Variants in DSCAM observed in about 807,000 individuals in gnomAD.
DSCAM encodes the protein DS cell adhesion molecule, also known as cell adhesion molecule DSCAM.
A neutral mutation model predicts 217.7 loss-of-function variants in DSCAM; 47 were observed. That is an observed-to-expected ratio of 0.22 (90% confidence interval 0.17 to 0.28). DSCAM has a LOEUF of 0.28. Ranked by LOEUF, DSCAM falls within the 10% of genes least tolerant of loss-of-function variation. The pLI, the probability that DSCAM is intolerant of heterozygous loss-of-function variation, is 1.00. For synonymous variants in DSCAM, 1,056 were observed against 1,015.3 expected (o/e 1.04, Z -0.76); for missense variants, 2,080 against 2,618.3 (o/e 0.79, Z 4.49).
intron 8 of DSCAM, among the ~76,000 whole-genome samples, chr21:40,318,255 C>T (rs947654824): frequency 7.9e-5 from 12 of 151,048 alleles, no homozygotes; most frequent in African/African-American, 2.7e-4. Flanking sequence ...TTAATGGGTG[C>T]AGCACACCAG....
At chr21:40,630,072 C>T (rs1166868608) in intron 3 of DSCAM, among the ~76,000 whole-genome samples, 1 of 151,926 alleles carries the variant, frequency 6.6e-6, no homozygotes, top group African/African-American at 2.4e-5. Flanking sequence ...ACCATGGAGC[C>T]CAACAGGAAG....
intron 32 of DSCAM, among the ~76,000 whole-genome samples, chr21:40,036,868 A>G (rs1284213128): frequency 1.3e-4 from 19 of 150,236 alleles, no homozygotes; most frequent in Admixed American, 1.2e-3. Flanking sequence ...CAATATACAC[A>G]TATCAATAAA....
intron 3 of DSCAM, among the ~76,000 whole-genome samples, chr21:40,372,085 C>T (rs1292101801): frequency 6.6e-6 from 1 of 152,148 alleles, no homozygotes; most frequent in South Asian, 2.1e-4. Context: ...ACTCAGGAGT[C>T]CTGTGGAACT....
chr21:40,018,124 G>C (rs1191288098), intron 32 of DSCAM, among the ~76,000 whole-genome samples: 3 of 152,118 alleles, frequency 2.0e-5, no homozygotes, highest in Admixed American at 2.0e-4. Context: ...TCTCTAACCA[G>C]GGATTATTTG....
intron 3 of DSCAM, among the ~76,000 whole-genome samples, chr21:40,577,416 G>A (rs992205620): frequency 9.2e-5 from 14 of 151,522 alleles, no homozygotes; most frequent in African/African-American, 3.4e-4. Flanking sequence ...CCGGAAGACG[G>A]TCACTCTTTG....
intron 3 of DSCAM, among the ~76,000 whole-genome samples, chr21:40,601,752 A>G (rs1568931420): frequency 6.6e-6 from 1 of 152,038 alleles, no homozygotes; most frequent in African/African-American, 2.4e-5. Flanking sequence ...TCTTTTTTGC[A>G]TCTGTTGTTA....
chr21:40,566,082 G>C (rs992099244), intron 3 of DSCAM, among the ~76,000 whole-genome samples: 1 of 152,162 alleles, frequency 6.6e-6, no homozygotes, highest in Non-Finnish European at 1.5e-5. Context: ...CAGTCATTAA[G>C]ATGTCATCCT....
chr21:40,817,012 A>G (rs1212967633), intron 1 of DSCAM, among the ~76,000 whole-genome samples: 2 of 152,162 alleles, frequency 1.3e-5, no homozygotes, highest in African/African-American at 2.4e-5. Context: ...CACCTCTTCA[A>G]TAGGTAAGGA....
At chr21:40,569,432 TCAG>T (rs776020224) in intron 3 of DSCAM, among the ~76,000 whole-genome samples, 16 of 152,164 alleles carry the variant, frequency 1.1e-4, no homozygotes, top group Non-Finnish European at 2.1e-4. Flanking sequence ...CCTCATTCAA[TCAG>T]TCGAAAAGAT....
At chr21:40,085,422 A>G (rs2089519044) in intron 23 of DSCAM, among the ~76,000 whole-genome samples, 180 bp downstream of exon 23, 1 of 152,070 alleles carries the variant, frequency 6.6e-6, no homozygotes, top group African/African-American at 2.4e-5. Flanking sequence ...AATGCTTTGT[A>G]TTTTCTTTGA....
intron 11 of DSCAM, among the ~76,000 whole-genome samples, chr21:40,199,829 G>C (rs566355769): frequency 1.3e-5 from 2 of 152,122 alleles, no homozygotes; most frequent in South Asian, 2.1e-4. Context: ...TGCATGCAGG[G>C]CTTAAAACCT....
chr21:40,069,493 G>A (rs78933910), intron 27 of DSCAM, among the ~76,000 whole-genome samples: 9,741 of 152,264 alleles, frequency 0.064, 659 homozygotes, highest in African/African-American at 0.17. Flanking sequence ...AGGCTGAACT[G>A]CCTCACATTT....
intron 14 of DSCAM, among the ~76,000 whole-genome samples, chr21:40,180,925 T>C (rs944578267): frequency 6.6e-6 from 1 of 152,072 alleles, no homozygotes; most frequent in African/African-American, 2.4e-5. Context: ...TATAGGTTCC[T>C]TTAGCTCAGC....
intron 3 of DSCAM, among the ~76,000 whole-genome samples, chr21:40,456,595 C>T (rs2075765362): frequency 6.6e-6 from 1 of 151,948 alleles, no homozygotes; most frequent in Non-Finnish European, 1.5e-5. Context: ...GATATGTATG[C>T]TAACGTGTTC....
intron 20 of DSCAM, among the ~76,000 whole-genome samples, chr21:40,095,562 G>A (rs2089665644): frequency 6.6e-6 from 1 of 152,188 alleles, no homozygotes; most frequent in Admixed American, 6.5e-5. Context: ...AATTGGGAAT[G>A]ACTGCTAATG....
At chr21:40,025,846 A>G (rs1242508278) in intron 32 of DSCAM, among the ~76,000 whole-genome samples, 2 of 150,424 alleles carry the variant, frequency 1.3e-5, no homozygotes, top group African/African-American at 4.9e-5. Context: ...TAATTTTTTG[A>G]AGGGTTTTTT....
chr21:40,678,440 A>G (rs899811888), intron 3 of DSCAM, among the ~76,000 whole-genome samples: 2 of 152,154 alleles, frequency 1.3e-5, no homozygotes, highest in Non-Finnish European at 2.9e-5. Flanking sequence ...TGCTTTCTTC[A>G]TCTATAAAAT....
At chr21:40,298,225 T>C (rs1272343378) in intron 9 of DSCAM, among the ~76,000 whole-genome samples, 2 of 151,716 alleles carry the variant, frequency 1.3e-5, no homozygotes, top group Non-Finnish European at 2.9e-5. Flanking sequence ...GGATTACAGG[T>C]GCCTGCCATC....
At chr21:40,600,726 T>G (rs563626341) in intron 3 of DSCAM, among the ~76,000 whole-genome samples, 10 of 152,184 alleles carry the variant, frequency 6.6e-5, no homozygotes, top group Non-Finnish European at 1.3e-4. Context: ...TTGTAAAATA[T>G]TTGCTAAATT....
Sources: allele counts gnomAD v4.1 joint callset (sites outside exome capture counted in the v4.1 genomes callset), GRCh38; gene constraint gnomAD v4.1.1; transcripts MANE v1.5; gene names NCBI Gene and HGNC (gene_info 2026-07-23, HGNC 2026-07-21).